Variants in LRCH2 observed in about 807,000 individuals in gnomAD.
The protein encoded by LRCH2 is leucine-rich repeat and calponin homology domain-containing protein 2.
In LRCH2, 38 loss-of-function variants were observed where a neutral mutation model predicts 68.9. That is an observed-to-expected ratio of 0.55 (90% CI 0.43 to 0.72). The LOEUF is 0.72. Ranked by LOEUF, LRCH2 falls within the 30% of genes least tolerant of loss-of-function variation. The probability of loss-of-function intolerance (pLI) is 0.00; values close to 1 mark genes in which losing one functional copy is unlikely to be tolerated. For synonymous variants in LRCH2, 191 were observed against 208.1 expected, an observed-to-expected ratio of 0.92 and a Z score of 0.71; for missense variants, 528 against 572.9, an observed-to-expected ratio of 0.92 and a Z score of 0.80.
At chrX:115,221,797 T>C (rs1209058284) in intron 1 of LRCH2, among the ~76,000 whole-genome samples, 1 of 110,557 alleles carries the variant, frequency 9.0e-6, no homozygotes, top group Non-Finnish European at 1.9e-5. Flanking sequence ...CAATACAAAA[T>C]CACAGCGGCT....
At position 115,165,645 on chromosome X, in the gene LRCH2, T is replaced by C; in HGVS notation, c.1209A>G (p.Val403=). The change falls in exon 9 of 21, where the codon GTA becomes GTG. Residue 403 remains valine, a synonymous_variant. Coordinates refer to ENST00000317135, the MANE Select transcript of LRCH2 (RefSeq NM_020871.4). ...CTGTGTTGGGGTCAACAAAATCATA[T>C]ACCTCCTGGTCTAGGTACAGATTAA... ...SKTDSQKDQE[V]YDFVDPNTED... is the part of the protein sequence containing the mutation. 4.4e-6 allele frequency: 5 copies of C among 1,148,868 alleles called. No individual in the cohort carries two copies. Among genetic ancestry groups the C allele is most frequent in the South Asian group, 1.9e-5 (1 of 51,455 alleles). 94.7% of individuals were successfully genotyped at this position (1,148,868 alleles called of 1,213,427 possible).
chrX:115,188,703 C>G (rs1197336113), intron 1 of LRCH2, among the ~76,000 whole-genome samples: 7 of 110,710 alleles, frequency 6.3e-5, no homozygotes, highest in Non-Finnish European at 1.3e-4. Context: ...TGATGGTGGG[C>G]CCCTGTAATC....
intron 11 of LRCH2, among the ~76,000 whole-genome samples, chrX:115,162,889 C>A (rs1449663670): frequency 9.0e-6 from 1 of 111,259 alleles, no homozygotes; most frequent in Non-Finnish European, 1.9e-5. Flanking sequence ...AAAAAAAAAC[C>A]ATTCAGATCT....
At chrX:115,167,279 T>C (rs2072570988) in intron 6 of LRCH2, among the ~76,000 whole-genome samples, 1 of 103,636 alleles carries the variant, frequency 9.6e-6, no homozygotes, top group African/African-American at 3.5e-5. Flanking sequence ...TGAATACATT[T>C]AGGGAATCAC....
intron 20 of LRCH2, among the ~76,000 whole-genome samples, chrX:115,117,033 T>C (rs1603015866): frequency 9.0e-6 from 1 of 111,564 alleles, no homozygotes; most frequent in Admixed American, 9.6e-5. Flanking sequence ...AATGTCTTTA[T>C]CCATAACTTG....
intron 14 of LRCH2, among the ~76,000 whole-genome samples, chrX:115,136,264 A>T (rs782370490): frequency 9.9e-5 from 11 of 111,490 alleles, no homozygotes; most frequent in African/African-American, 3.3e-4. Context: ...GATATCTGCA[A>T]GGGATTGGTT....
At chrX:115,141,793 G>A (rs1357112130) in intron 14 of LRCH2, among the ~76,000 whole-genome samples, 1 of 105,220 alleles carries the variant, frequency 9.5e-6, no homozygotes, top group East Asian at 3.0e-4. Context: ...AAAATTGCTT[G>A]AACCCAAGAG....
chrX:115,231,425 T>C (rs17331586), intron 1 of LRCH2, among the ~76,000 whole-genome samples: 6,050 of 111,305 alleles, frequency 0.054, 171 homozygotes, highest in South Asian at 0.13. Flanking sequence ...TCTCTCTACA[T>C]TAAAAAATAC....
chrX:115,125,400 A>T (rs782683604), intron 16 of LRCH2, among the ~76,000 whole-genome samples: 2 of 79,250 alleles, frequency 2.5e-5, no homozygotes, highest in East Asian at 8.1e-4. Flanking sequence ...GAGTGAGATC[A>T]TGTGTCATAT....
intron 1 of LRCH2, 126 bp from the exon 2 acceptor site, chrX:115,188,496 T>C: frequency 2.1e-6 from 1 of 469,934 alleles, no homozygotes; most frequent in Non-Finnish European, 3.2e-6. Context: ...ATATACAATA[T>C]TATCCATCAA....
chrX:115,207,573 G>A, intron 1 of LRCH2, among the ~76,000 whole-genome samples: 1 of 111,354 alleles, frequency 9.0e-6, no homozygotes, highest in Admixed American at 9.6e-5. Context: ...TCGGAAAACT[G>A]CTCACTTATT....
chrX:115,213,637 C>G (rs183055378), intron 1 of LRCH2, among the ~76,000 whole-genome samples: 1 of 112,011 alleles, frequency 8.9e-6, no homozygotes, highest in Admixed American at 9.5e-5. Flanking sequence ...CAAAAAGAAT[C>G]ACCTCCATTT....
intron 20 of LRCH2, among the ~76,000 whole-genome samples, chrX:115,118,271 C>A (rs1004966901): frequency 9.2e-6 from 1 of 108,981 alleles, no homozygotes; most frequent in South Asian, 4.0e-4. Context: ...AAACCGCTAG[C>A]AAGACTAATA....
chrX:115,199,045 C>T (rs782174989), intron 1 of LRCH2, among the ~76,000 whole-genome samples: 55 of 112,079 alleles, frequency 4.9e-4, no homozygotes, highest in Non-Finnish European at 7.5e-4. Context: ...GAATTCATCG[C>T]CACTAAACTG....
intron 11 of LRCH2, among the ~76,000 whole-genome samples, chrX:115,157,055 T>C (rs2072480666): frequency 9.0e-6 from 1 of 111,183 alleles, no homozygotes. Flanking sequence ...TTTTGCCAAA[T>C]GAAAAATTTT....
chrX:115,152,131 A>C (rs2072436851), intron 12 of LRCH2, among the ~76,000 whole-genome samples: 1 of 111,660 alleles, frequency 9.0e-6, no homozygotes, highest in Non-Finnish European at 1.9e-5. Flanking sequence ...ACCAGTTCCC[A>C]CCAGCTAAAC....
intron 14 of LRCH2, among the ~76,000 whole-genome samples, chrX:115,142,574 CCAGTGG>C (rs1490714539): frequency 4.5e-5 from 5 of 111,595 alleles, no homozygotes; most frequent in Non-Finnish European, 9.4e-5. Context: ...TCCTGAATGA[CCAGTGG>C]GTCAATGAAG....
intron 14 of LRCH2, among the ~76,000 whole-genome samples, chrX:115,141,325 A>C (rs962198932): frequency 9.0e-6 from 1 of 111,154 alleles, no homozygotes; most frequent in Non-Finnish European, 1.9e-5. Flanking sequence ...TGGTCAGAGC[A>C]CAGCTTTGGT....
At chrX:115,121,144 A>T (rs990223772) in intron 20 of LRCH2, among the ~76,000 whole-genome samples, 2 of 109,195 alleles carry the variant, frequency 1.8e-5, no homozygotes, top group Non-Finnish European at 3.8e-5. Context: ...CACATTGTGC[A>T]CATGTGCCCT....
Sources: gnomAD v4.1 joint callset for allele counts (sites outside exome capture counted in the v4.1 genomes callset) on GRCh38, gnomAD v4.1.1 for gene constraint, MANE v1.5 for transcripts, NCBI Gene and HGNC (gene_info 2026-07-23, HGNC 2026-07-21) for gene names.